The following SNUPN variants were observed in gnomAD, a reference collection of about 807,000 sequenced individuals.
SNUPN encodes snurportin 1.
SNUPN carries 31 observed loss-of-function variants against 39.2 expected under a neutral mutation model. That is an observed-to-expected ratio of 0.79 (90% CI 0.59 to 1.07). SNUPN has a LOEUF of 1.07. Ranked by LOEUF, SNUPN falls within the 50% of genes least tolerant of loss-of-function variation. The pLI is 0.00. For synonymous variants in SNUPN, 132 were observed against 159.0 expected (o/e 0.83, Z 1.28); for missense variants, 382 against 434.2 (o/e 0.88, Z 1.07).
rs1334826553 is a variant in SNUPN at position 75,607,270 on chromosome 15, G to A, written c.546C>T (p.Thr182=). ...LDCIYNEVNQ[T]YYVLDVMCWR... is the part of the protein sequence containing the mutation. ...AGCACATCACATCCAGAACGTAGTA[G>A]GTCTGGTTTACCTCATTGTAAATGC... The change falls in exon 6 of 9, where the codon ACC becomes ACT. Residue 182 remains threonine (T), a synonymous_variant. Coordinates refer to ENST00000308588, the MANE Select transcript of SNUPN (RefSeq NM_005701.4). 14 of 1,613,660 alleles carry A rather than the reference G, an allele frequency of 8.7e-6. No homozygotes were observed. Among genetic ancestry groups the A allele is most frequent in the Non-Finnish European group, 1.2e-5 (14 of 1,179,720 alleles).
intron 5 of SNUPN, among the ~76,000 whole-genome samples, chr15:75,607,529 C>T (rs867418662): frequency 6.6e-6 from 1 of 152,158 alleles, no homozygotes; most frequent in African/African-American, 2.4e-5. Flanking sequence ...CAGCACAAGA[C>T]GCATCAAGGC....
chr15:75,604,144 C>T (rs1461157543), intron 7 of SNUPN, among the ~76,000 whole-genome samples: 1 of 149,096 alleles, frequency 6.7e-6, no homozygotes, highest in Non-Finnish European at 1.5e-5. Flanking sequence ...ACTGGTTGTC[C>T]AATTCCCTTT....
At chr15:75,607,170 G>A in intron 6 of SNUPN, 46 bp downstream of exon 6, 1 of 1,370,912 alleles carries the variant, frequency 7.3e-7, no homozygotes, top group South Asian at 1.2e-5. Flanking sequence ...TTCCCAGGAG[G>A]AGAGGAGAAG....
At chr15:75,622,841 A>T (rs1893106422) in intron 1 of SNUPN, among the ~76,000 whole-genome samples, 1 of 152,136 alleles carries the variant, frequency 6.6e-6, no homozygotes, top group Non-Finnish European at 1.5e-5. Context: ...TTTAAAAGGA[A>T]CTTAAAAATC....
chr15:75,604,415 G>C (rs1217940210), intron 7 of SNUPN, among the ~76,000 whole-genome samples: 2 of 152,124 alleles, frequency 1.3e-5, no homozygotes, highest in Admixed American at 6.5e-5. Flanking sequence ...ACCTGCCTCG[G>C]CCTCCCAAAG....
At chr15:75,605,984 A>G (rs1407600720) in intron 6 of SNUPN, among the ~76,000 whole-genome samples, 1 of 152,168 alleles carries the variant, frequency 6.6e-6, no homozygotes, top group Non-Finnish European at 1.5e-5. Context: ...GTCTCTACTA[A>G]AAATACAAAA....
chr15:75,615,982 A>G (rs942993659), intron 3 of SNUPN, among the ~76,000 whole-genome samples: 1 of 152,088 alleles, frequency 6.6e-6, no homozygotes, highest in Non-Finnish European at 1.5e-5. Context: ...TCTGCTCCAC[A>G]TCTATCTTCC....
chr15:75,624,834 A>C, intron 1 of SNUPN: 2 of 723,590 alleles, frequency 2.8e-6, no homozygotes, highest in Non-Finnish European at 4.0e-6. Context: ...GTGCAGTGGC[A>C]TGATCTCGGC....
intron 7 of SNUPN, among the ~76,000 whole-genome samples, chr15:75,603,060 T>C (rs1179575449): frequency 6.6e-6 from 1 of 151,316 alleles, no homozygotes; most frequent in Non-Finnish European, 1.5e-5. Flanking sequence ...AGGTATTTTT[T>C]TTTTTTGAGA....
intron 7 of SNUPN, among the ~76,000 whole-genome samples, chr15:75,604,648 T>C (rs2075317205): frequency 2.6e-5 from 4 of 152,224 alleles, no homozygotes; most frequent in African/African-American, 9.6e-5. Flanking sequence ...GTAAATTAGA[T>C]GTTATTACCC....
At chr15:75,624,587 G>A (rs970166218) in intron 1 of SNUPN, 2 of 285,314 alleles carry the variant, frequency 7.0e-6, no homozygotes, top group Non-Finnish European at 1.1e-5. Context: ...GCAGGAGAAT[G>A]GCTTGAACCC....
intron 5 of SNUPN, among the ~76,000 whole-genome samples, chr15:75,609,333 G>A (rs113572050): frequency 3.3e-5 from 5 of 151,746 alleles, no homozygotes; most frequent in African/African-American, 9.6e-5. Flanking sequence ...GGGACTACAG[G>A]TGCCCACCAC....
chr15:75,619,986 T>C (rs1893029323), intron 2 of SNUPN, among the ~76,000 whole-genome samples: 1 of 152,140 alleles, frequency 6.6e-6, no homozygotes, highest in Non-Finnish European at 1.5e-5. Context: ...TGACCTCAGG[T>C]GATCCACCCA....
At chr15:75,624,377 G>A (rs902277835) in intron 1 of SNUPN, among the ~76,000 whole-genome samples, 1 of 150,710 alleles carries the variant, frequency 6.6e-6, no homozygotes, top group Non-Finnish European at 1.5e-5. Context: ...TGATGTCCTG[G>A]GCCTGGCGCG....
rs989386493 is a variant in SNUPN, at chr15:75,601,190, G to A, written c.707C>T (p.Pro236Leu). 2 of 1,613,554 alleles carry A rather than the reference G, an allele frequency of 1.2e-6. No homozygotes were observed. Among genetic ancestry groups the A allele is most frequent in the Admixed American group, 1.7e-5 (1 of 59,984 alleles). ...PFKFVGLKNF[P>L]CTPESLCDVL... is the part of the protein sequence containing the mutation. The stretch of plus-strand genomic sequence containing the variant: ...ATCACACAGGCTTTCGGGAGTGCAA[G>A]GGAAGTTCTTTAGCCCCACAAATTT... The change falls in exon 8 of 9, where the codon CCT (proline) becomes CTT (leucine). Residue 236 changes from proline to leucine, a missense_variant. Coordinates refer to ENST00000308588, the MANE Select transcript of SNUPN (RefSeq NM_005701.4).
chr15:75,605,161 T>C lies in SNUPN; in HGVS notation c.667A>G (p.Lys223Glu), dbSNP rs771981322. Residue 223 changes from lysine (K) to glutamate (E), a missense_variant, in exon 7 of 9, where the codon AAG (lysine) becomes GAG (glutamate). Physicochemically the swap from Lys to Glu is moderately conservative, Grantham distance 56. Coordinates refer to ENST00000308588, the MANE Select transcript of SNUPN (RefSeq NM_005701.4). ...PEEEGLGEKTKLNPFKFVGLK... is the reference protein window; with the variant it reads ...PEEEGLGEKTELNPFKFVGLK... ...ACACCAGGCCTTACAGGATTAAGCT[T>C]GGTTTTCTCTCCCAGTCCTTCTTCT... 18 of 1,612,168 alleles carry C rather than the reference T, an allele frequency of 1.1e-5. No individual in the cohort carries two copies. In the Admixed American group the frequency reaches 2.5e-4, roughly 22 times the overall value.
In SNUPN at chr15:75,620,884, G is replaced by A; in HGVS notation, c.158+10C>T. ...CAGAGAAAGAAGACAAGGAGTTAAAGCTTCCTTACGATTTCTGCAGTTCCA... is the reference window on the plus strand; with the variant it reads ...CAGAGAAAGAAGACAAGGAGTTAAAACTTCCTTACGATTTCTGCAGTTCCA... On this transcript the variant is annotated intron_variant, in intron 2 of 8. Transcript: ENST00000308588. 6.2e-7 allele frequency: 1 copy of A among 1,611,838 alleles called. No homozygotes were observed. The highest frequency in any genetic ancestry group is 1.1e-5 in the South Asian group (1 of 91,024).
intron 5 of SNUPN, among the ~76,000 whole-genome samples, 198 bp from the exon 6 acceptor site, chr15:75,607,511 G>C (rs527854314): frequency 1.3e-5 from 2 of 152,142 alleles, no homozygotes; most frequent in African/African-American, 4.8e-5. Flanking sequence ...TGGTGACTCA[G>C]GGTAAGACAG....
At chr15:75,601,658 G>A (rs2075288038) in intron 7 of SNUPN, among the ~76,000 whole-genome samples, 1 of 152,052 alleles carries the variant, frequency 6.6e-6, no homozygotes, top group Non-Finnish European at 1.5e-5. Context: ...TGAGGTAGAA[G>A]GATCGCTTGA....
Sources: allele counts gnomAD v4.1 joint callset (sites outside exome capture counted in the v4.1 genomes callset), GRCh38; gene constraint gnomAD v4.1.1; transcripts MANE v1.5; gene names NCBI Gene and HGNC (gene_info 2026-07-23, HGNC 2026-07-21).